The following ADGB variants were observed in gnomAD, a reference collection of about 807,000 sequenced individuals.
ADGB encodes the protein androglobin.
In ADGB, 172 loss-of-function variants were observed where a neutral mutation model predicts 210.5. The observed-to-expected ratio is 0.82, with a 90% CI of 0.72 to 0.93. The LOEUF (loss-of-function observed/expected upper bound fraction) is 0.93. Among genes scored for constraint, ADGB ranks in the 40% least tolerant of loss-of-function variants. The pLI is 0.00. For synonymous variants in ADGB, 658 were observed against 662.7 expected (o/e 0.99, Z 0.11); for missense variants, 2,025 against 1,964.8 (o/e 1.03, Z -0.58).
In ADGB at chr6:146,656,907, T is replaced by C. The variant is rs1431863691; in HGVS notation, c.539T>C (p.Leu180Pro). The change falls in exon 5 of 36, where the codon CTG becomes CCG. Residue 180 changes from leucine (L) to proline (P), a missense_variant. Physicochemically the swap from Leu to Pro is moderately conservative, Grantham distance 98 (BLOSUM62 -3). Transcript: ENST00000397944. ...AAGCCCTGGGAACACATATACTCTC[T>C]GTGCAAGGCTGTGAAGGGTCATATG... ...PWKPWEHIYSLCKAVKGHMPL... is the reference protein window; with the variant it reads ...PWKPWEHIYSPCKAVKGHMPL... The C allele has an allele frequency of 1.3e-6, 2 of 1,551,648 alleles. No individual in the cohort carries two copies. Among genetic ancestry groups the C allele is most frequent in the Admixed American group, 3.9e-5 (2 of 50,990 alleles).
At chr6:146,642,434 C>G (rs757719722) in intron 2 of ADGB, among the ~76,000 whole-genome samples, 1 of 151,804 alleles carries the variant, frequency 6.6e-6, no homozygotes, top group African/African-American at 2.4e-5. Context: ...CACATGCATG[C>G]GAGTGTTCAT....
At chr6:146,765,915 T>C (rs1162827999) in intron 28 of ADGB, among the ~76,000 whole-genome samples, 1 of 151,626 alleles carries the variant, frequency 6.6e-6, no homozygotes, top group African/African-American at 2.4e-5. Flanking sequence ...GAATAAAAAA[T>C]AAAGATTAAT....
In ADGB at chr6:146,788,614, AG is replaced by A; in HGVS notation, c.4537+5del. ...AGCACACGGAAGGAAAACATTCGTA[AG>A]TATTGCTGTCATTGGTAACATAAAC... On this transcript the variant is annotated splice_donor_5th_base_variant and intron_variant, in intron 33 of 35. Coordinates refer to ENST00000397944, the MANE Select transcript of ADGB (RefSeq NM_024694.4). The A allele has an allele frequency of 6.5e-7, 1 of 1,549,910 alleles. No individual in the cohort carries two copies. The highest frequency in any genetic ancestry group is 1.2e-5 in the South Asian group (1 of 84,006).
intron 1 of ADGB, among the ~76,000 whole-genome samples, chr6:146,601,497 C>G (rs1350654415): frequency 6.6e-6 from 1 of 152,122 alleles, no homozygotes; most frequent in Non-Finnish European, 1.5e-5. Context: ...TAAGCTAACC[C>G]ATAGATGTAG....
chr6:146,679,958 G>A (rs947767160), intron 9 of ADGB, among the ~76,000 whole-genome samples: 7 of 152,106 alleles, frequency 4.6e-5, no homozygotes, highest in African/African-American at 7.2e-5. Context: ...TAGTACTCTA[G>A]TATAGAGTTC....
chr6:146,709,476 G>T (rs1046100425), intron 13 of ADGB, among the ~76,000 whole-genome samples: 1 of 152,194 alleles, frequency 6.6e-6, no homozygotes, highest in African/African-American at 2.4e-5. Flanking sequence ...AGATCAGCAG[G>T]TGGGCAACCC....
chr6:146,656,791 T>C lies in ADGB; in HGVS notation c.423T>C (p.Ser141=), dbSNP rs1775788031. ...TCTAGCTGATGAGATGGATTATCAG[T>C]GAAATCTATGCAGTGTGGAAGATCT... ...LCSELMRWII[S]EIYAVWKIFN... The change falls in exon 5 of 36, where the codon AGT becomes AGC. Residue 141 remains serine (S), a synonymous_variant. Transcript: ENST00000397944. The C allele has an allele frequency of 6.5e-7, 1 of 1,539,742 alleles. No individual in the cohort carries two copies. The highest frequency in any genetic ancestry group is 1.4e-5 in the African/African-American group (1 of 72,608).
intron 20 of ADGB, among the ~76,000 whole-genome samples, chr6:146,730,491 A>T (rs1776965680): frequency 6.6e-6 from 1 of 152,180 alleles, no homozygotes; most frequent in Non-Finnish European, 1.5e-5. Context: ...TTCATCCCAA[A>T]TTCACTTGGT....
chr6:146,728,377 T>A (rs1393325276), intron 19 of ADGB, among the ~76,000 whole-genome samples, 197 bp from the exon 20 acceptor site: 1 of 152,200 alleles, frequency 6.6e-6, no homozygotes, highest in Admixed American at 6.5e-5. Flanking sequence ...TCCTACAGGT[T>A]CCCACTCAGG....
rs938842568 is a variant in ADGB at position 146,717,064 on chromosome 6, C to T, written c.1923C>T (p.Cys641=). The T allele has an allele frequency of 6.5e-7, 1 of 1,549,746 alleles. No homozygotes were observed. Among genetic ancestry groups the T allele is most frequent in the Non-Finnish European group, 8.7e-7 (1 of 1,145,562 alleles). Residue 641 remains cysteine, a synonymous_variant, in exon 15 of 36, where the codon TGC becomes TGT. Transcript: ENST00000397944. The part of the protein sequence containing the change: ...IWLDFEDFCV[C]FQNIYIFHKP... ...TAGATTTTGAAGATTTCTGTGTATG[C>T]TTTCAGTAAGTATACCAATGGGATC...
At chr6:146,714,327 T>A (rs1776701656) in intron 13 of ADGB, among the ~76,000 whole-genome samples, 1 of 144,308 alleles carries the variant, frequency 6.9e-6, no homozygotes. Flanking sequence ...TTTTTTTTTT[T>A]TCCCCTGACT....
chr6:146,657,899 A>G (rs78732213), intron 5 of ADGB, among the ~76,000 whole-genome samples: 361 of 152,342 alleles, frequency 2.4e-3, no homozygotes, highest in Middle Eastern at 6.8e-3. Context: ...AAAACCCCTT[A>G]TAAATATGGC....
In ADGB at chr6:146,636,387, A is replaced by G. The variant is rs550554515; in HGVS notation, c.237+850A>G. Among the ~76,000 whole-genome samples the G allele has an allele frequency of 6.4e-4, 98 of 152,188 alleles. 1 individual carries two copies. In the South Asian group the frequency reaches 0.02, roughly 31 times the overall value. ...GATTCATATTGGTCAATTTGTTAAC[A>G]AAAGGTACGCAATAAAGGTATTGCT... On this transcript the variant is annotated intron_variant, in intron 2 of 35. Coordinates refer to ENST00000397944, the MANE Select transcript of ADGB (RefSeq NM_024694.4).
chr6:146,671,586 C>A (rs1024843451), intron 7 of ADGB, among the ~76,000 whole-genome samples: 1 of 151,898 alleles, frequency 6.6e-6, no homozygotes, highest in Non-Finnish European at 1.5e-5. Context: ...TGAGCTGGAA[C>A]TAATGATTTA....
intron 2 of ADGB, among the ~76,000 whole-genome samples, chr6:146,637,208 G>C (rs1775438001): frequency 6.6e-6 from 1 of 151,890 alleles, no homozygotes; most frequent in South Asian, 2.1e-4. Context: ...CCTCTCTCAA[G>C]TACATTTATT....
intron 12 of ADGB, 139 bp from the exon 13 acceptor site, chr6:146,700,802 T>A (rs933558358): frequency 1.1e-4 from 110 of 961,528 alleles, no homozygotes; most frequent in Admixed American, 3.5e-4. Context: ...GTAAAAAACA[T>A]TACTGGTAGT....
At chr6:146,733,029 T>G in intron 20 of ADGB, 91 bp from the exon 21 acceptor site, 1 of 1,034,668 alleles carries the variant, frequency 9.7e-7, no homozygotes, top group Non-Finnish European at 1.3e-6. Context: ...TGGTTTTTAT[T>G]TTTTATTTTT....
At chr6:146,622,636 A>G (rs192729318) in intron 1 of ADGB, among the ~76,000 whole-genome samples, 4 of 152,180 alleles carry the variant, frequency 2.6e-5, no homozygotes, top group African/African-American at 9.6e-5. Flanking sequence ...ACCTTTTACC[A>G]GGTATATACT....
chr6:146,646,791 T>C (rs890260564), intron 3 of ADGB, among the ~76,000 whole-genome samples: 10 of 152,044 alleles, frequency 6.6e-5, no homozygotes, highest in African/African-American at 2.4e-4. Flanking sequence ...AAATATTTGA[T>C]CAAAACAGAA....
Sources: allele counts gnomAD v4.1 joint callset (sites outside exome capture counted in the v4.1 genomes callset), GRCh38; gene constraint gnomAD v4.1.1; transcripts MANE v1.5; gene names NCBI Gene and HGNC (gene_info 2026-07-23, HGNC 2026-07-21).